UGP2: variants seen among roughly 807,000 people sequenced by gnomAD.
The protein encoded by UGP2 is UDP-glucose pyrophosphorylase 2.
A neutral mutation model predicts 49.0 loss-of-function variants in UGP2; 40 were observed. That is an observed-to-expected ratio of 0.82 (90% CI 0.63 to 1.06). The LOEUF is 1.06. Ranked by LOEUF, UGP2 falls within the 50% of genes least tolerant of loss-of-function variation. The pLI is 0.00. For synonymous variants in UGP2, 225 were observed against 213.0 expected (o/e 1.06, Z -0.49); for missense variants, 460 against 603.5 (o/e 0.76, Z 2.49).
At chr2:63,890,699 C>T (rs946741180) in intron 9 of UGP2, among the ~76,000 whole-genome samples, 1 of 152,008 alleles carries the variant, frequency 6.6e-6, no homozygotes, top group African/African-American at 2.4e-5. Context: ...GCTGAGACTG[C>T]CTAAAGACTT....
chr2:63,868,944 G>A (rs1480451718), intron 3 of UGP2, among the ~76,000 whole-genome samples: 1 of 150,212 alleles, frequency 6.7e-6, no homozygotes, highest in Non-Finnish European at 1.5e-5. Context: ...TAGCCTGGGC[G>A]ACAAGAGTGA....
chr2:63,860,161 T>C (rs1038808275), intron 3 of UGP2, among the ~76,000 whole-genome samples: 7 of 152,220 alleles, frequency 4.6e-5, no homozygotes, highest in African/African-American at 1.4e-4. Flanking sequence ...TAATATTTTA[T>C]ATTCCTAAGT....
intron 9 of UGP2, 67 bp from the exon 10 acceptor site, chr2:63,891,053 A>C: frequency 1.5e-6 from 2 of 1,311,900 alleles, no homozygotes; most frequent in Non-Finnish European, 2.1e-6. Flanking sequence ...CATAAACTTG[A>C]TCACTGTAAG....
At chr2:63,855,643 G>T (rs564328623) in intron 1 of UGP2, 1 of 435,616 alleles carries the variant, frequency 2.3e-6, no homozygotes, top group African/African-American at 2.1e-5. Context: ...CTCGGCTCAA[G>T]GTATCCTCCT....
intron 1 of UGP2, among the ~76,000 whole-genome samples, chr2:63,854,016 G>A (rs558541693): frequency 6.6e-6 from 1 of 152,180 alleles, no homozygotes; most frequent in East Asian, 1.9e-4. Flanking sequence ...AGGAGAGTGT[G>A]GTATTTAGGG....
At chr2:63,868,390 A>AT (rs976860628) in intron 3 of UGP2, among the ~76,000 whole-genome samples, 2 of 152,172 alleles carry the variant, frequency 1.3e-5, no homozygotes, top group Admixed American at 1.3e-4. Context: ...TCTTTTCTTA[A>AT]TTTTTTGATG....
intron 1 of UGP2, among the ~76,000 whole-genome samples, chr2:63,844,639 G>T (rs750604853): frequency 6.6e-6 from 1 of 152,164 alleles, no homozygotes; most frequent in Non-Finnish European, 1.5e-5. Context: ...ACAGCTCACT[G>T]CAGCCTTGAT....
At chr2:63,876,436 A>C (rs1670908196) in intron 3 of UGP2, among the ~76,000 whole-genome samples, 1 of 152,192 alleles carries the variant, frequency 6.6e-6, no homozygotes, top group South Asian at 2.1e-4. Flanking sequence ...GGAGGCTTCC[A>C]ACAGTAACGT....
chr2:63,870,444 C>T (rs1337093476), intron 3 of UGP2, among the ~76,000 whole-genome samples: 1 of 152,076 alleles, frequency 6.6e-6, no homozygotes, highest in East Asian at 1.9e-4. Flanking sequence ...AATTTTATGA[C>T]CTATAAAATT....
intron 9 of UGP2, 149 bp downstream of exon 9, chr2:63,890,334 C>A: frequency 3.3e-6 from 2 of 611,998 alleles, no homozygotes; most frequent in South Asian, 2.3e-5. Flanking sequence ...AAATGAGAAT[C>A]TTTAAAATAG....
intron 8 of UGP2, 143 bp from the exon 9 acceptor site, chr2:63,889,938 T>C (rs1406446914): frequency 3.1e-6 from 2 of 637,226 alleles, no homozygotes; most frequent in Admixed American, 3.1e-5. Flanking sequence ...AATGAGTGCT[T>C]AATAAGTAGG....
intron 4 of UGP2, 64 bp downstream of exon 4, chr2:63,882,715 A>T: frequency 1.4e-6 from 2 of 1,403,076 alleles, no homozygotes; most frequent in South Asian, 3.8e-5. Flanking sequence ...AGTTATCATA[A>T]ATGTTATAAA....
intron 3 of UGP2, among the ~76,000 whole-genome samples, chr2:63,878,326 A>T (rs555401106): frequency 2.6e-5 from 4 of 152,302 alleles, no homozygotes; most frequent in African/African-American, 9.6e-5. Flanking sequence ...CTGAATGTTG[A>T]TGATTCCTAA....
intron 5 of UGP2, 32 bp from the exon 6 acceptor site, chr2:63,885,557 A>G: frequency 1.3e-6 from 2 of 1,497,816 alleles, no homozygotes; most frequent in Non-Finnish European, 1.8e-6. Flanking sequence ...CTACAGGGTC[A>G]ATATTGAAAA....
chr2:63,882,654 G>C lies in UGP2; in HGVS notation c.441+3G>C. Reference sequence around the variant, plus strand: ...ATCTGACTGTTCAGCAAATTGAAGTGAGTAACATTTAGCCTTTCTCATGAG... The same window carrying C: ...ATCTGACTGTTCAGCAAATTGAAGTCAGTAACATTTAGCCTTTCTCATGAG... On this transcript the variant is annotated splice_donor_region_variant and intron_variant, in intron 4 of 9. Transcript: ENST00000337130. 3 of 1,550,780 alleles carry C rather than the reference G, an allele frequency of 1.9e-6. No homozygotes were observed. The highest frequency in any genetic ancestry group is 2.6e-6 in the Non-Finnish European group (3 of 1,139,552).
intron 3 of UGP2, among the ~76,000 whole-genome samples, chr2:63,882,006 C>G (rs1379359514): frequency 6.6e-6 from 1 of 152,174 alleles, no homozygotes; most frequent in African/African-American, 2.4e-5. Context: ...TGGTATTTGC[C>G]TCCTGTGGTA....
chr2:63,855,541 T>C (rs1172202646), intron 1 of UGP2: 18 of 215,602 alleles, frequency 8.3e-5, no homozygotes, highest in East Asian at 3.0e-4. Flanking sequence ...TTTTTTTTTT[T>C]CTCTTTTCTT....
rs146507277 is a variant in UGP2, at chr2:63,859,304, G to A, written c.255+1368G>A. 1.8e-4 allele frequency: 28 copies of A among 152,230 alleles called. No homozygotes were observed. In the East Asian group the frequency reaches 5.2e-3, roughly 28 times the overall value. 9.4% of individuals were successfully genotyped at this position (152,230 alleles called of 1,614,324 possible). ...ACCACTGTTCCTGACAGTGGTTTTG[G>A]TCTTAATTCTTGCTTGCAGACCTGG... On this transcript the variant is annotated intron_variant, in intron 3 of 9. Transcript: ENST00000337130.
At chr2:63,851,685 C>T (rs971725720) in intron 1 of UGP2, among the ~76,000 whole-genome samples, 8 of 152,106 alleles carry the variant, frequency 5.3e-5, no homozygotes, top group Admixed American at 4.6e-4. Flanking sequence ...TGCATGGTTT[C>T]GAACAATCTT....
Sources: allele counts gnomAD v4.1 joint callset (sites outside exome capture counted in the v4.1 genomes callset), GRCh38; gene constraint gnomAD v4.1.1; transcripts MANE v1.5; gene names NCBI Gene and HGNC (gene_info 2026-07-23, HGNC 2026-07-21).